The following KCNH5 variants were observed in gnomAD, a reference collection of about 807,000 sequenced individuals.
KCNH5 encodes voltage-gated delayed rectifier potassium channel KCNH5.
A neutral mutation model predicts 96.1 loss-of-function variants in KCNH5; 46 were observed. The observed-to-expected ratio is 0.48, with a 90% confidence interval of 0.38 to 0.61. KCNH5 has a LOEUF of 0.61. Among genes scored for constraint, KCNH5 ranks in the 20% least tolerant of loss-of-function variants. The pLI is 0.00. For missense variants in KCNH5, 907 were observed against 1,225.8 expected (o/e 0.74, Z 3.88); for synonymous variants, 439 against 449.8 (o/e 0.98, Z 0.30).
chr14:62,883,476 A>T (rs548391052), intron 7 of KCNH5, among the ~76,000 whole-genome samples: 57 of 152,222 alleles, frequency 3.7e-4, no homozygotes, highest in Non-Finnish European at 7.2e-4. Context: ...AATTAAGAAG[A>T]TCAAAATTCC....
intron 6 of KCNH5, among the ~76,000 whole-genome samples, chr14:62,960,592 G>A (rs1890188764): frequency 1.3e-5 from 2 of 151,932 alleles, no homozygotes; most frequent in Non-Finnish European, 1.5e-5. Flanking sequence ...ATAAGCATTG[G>A]GCCCTTATTC....
In KCNH5 at chr14:62,943,305, G is replaced by C. The variant is rs952194589; in HGVS notation, c.1369+6828C>G. Among the ~76,000 whole-genome samples the C allele has an allele frequency of 2.6e-5, 4 of 152,096 alleles. No individual in the cohort carries two copies. In the East Asian group the frequency reaches 7.7e-4, roughly 29 times the overall value. ...TGGAAGAGGATTTTTAAAAACATAT[G>C]AAGACAAGAGTATAATCCTATTAGA... On this transcript the variant is annotated intron_variant, in intron 7 of 10. Transcript: ENST00000322893.
intron 7 of KCNH5, among the ~76,000 whole-genome samples, chr14:62,922,293 T>G (rs1402584600): frequency 2.0e-5 from 3 of 152,054 alleles, no homozygotes; most frequent in South Asian, 4.1e-4. Flanking sequence ...TCCATCTACA[T>G]GCACAAAGAT....
intron 10 of KCNH5, among the ~76,000 whole-genome samples, chr14:62,748,582 C>T (rs1885427980): frequency 1.3e-5 from 2 of 152,044 alleles, no homozygotes; most frequent in Admixed American, 1.3e-4. Flanking sequence ...TACAAGAGGA[C>T]CTTAATCCTA....
chr14:62,957,996 T>C (rs1244615280), intron 6 of KCNH5, among the ~76,000 whole-genome samples: 1 of 152,172 alleles, frequency 6.6e-6, no homozygotes, highest in African/African-American at 2.4e-5. Flanking sequence ...CTGATAAAAA[T>C]GTAAGAAAAG....
intron 8 of KCNH5, among the ~76,000 whole-genome samples, chr14:62,804,294 G>A (rs1886722290): frequency 6.6e-6 from 1 of 152,036 alleles, no homozygotes; most frequent in African/African-American, 2.4e-5. Context: ...GCCTAACACA[G>A]CTTTAAAAGT....
chr14:62,794,997 G>A (rs1453438570), intron 9 of KCNH5, among the ~76,000 whole-genome samples: 1 of 152,106 alleles, frequency 6.6e-6, no homozygotes, highest in Non-Finnish European at 1.5e-5. Flanking sequence ...ATCCGTGATG[G>A]AGAACAAGAA....
intron 7 of KCNH5, among the ~76,000 whole-genome samples, chr14:62,855,595 G>C (rs1887911770): frequency 1.3e-5 from 2 of 152,208 alleles, no homozygotes; most frequent in Non-Finnish European, 2.9e-5. Flanking sequence ...TAATAACACA[G>C]AGTGGTTCTC....
intron 7 of KCNH5, among the ~76,000 whole-genome samples, chr14:62,938,014 C>A (rs914818803): frequency 1.1e-4 from 16 of 152,138 alleles, no homozygotes; most frequent in Middle Eastern, 3.2e-3. Context: ...ATTCCCATAC[C>A]GAAGTCTCAT....
chr14:62,953,540 T>A (rs1251129333), intron 6 of KCNH5, among the ~76,000 whole-genome samples: 1 of 152,168 alleles, frequency 6.6e-6, no homozygotes, highest in Non-Finnish European at 1.5e-5. Context: ...AAGGGAACCG[T>A]TTGCTTCTCC....
At chr14:62,893,448 C>T (rs183174807) in intron 7 of KCNH5, among the ~76,000 whole-genome samples, 110 of 152,270 alleles carry the variant, frequency 7.2e-4, no homozygotes, top group African/African-American at 2.5e-3. Flanking sequence ...CAAATGATAA[C>T]ATAAGATTTA....
At chr14:62,970,792 A>C (rs1890392290) in intron 6 of KCNH5, among the ~76,000 whole-genome samples, 1 of 152,104 alleles carries the variant, frequency 6.6e-6, no homozygotes, top group African/African-American at 2.4e-5. Context: ...TAACAACTCC[A>C]ACATCGATTC....
chr14:62,999,897 A>C (rs1174879742), intron 4 of KCNH5, among the ~76,000 whole-genome samples: 1 of 151,862 alleles, frequency 6.6e-6, no homozygotes, highest in Non-Finnish European at 1.5e-5. Context: ...GAAAAAAAAA[A>C]CCCTAAATAT....
chr14:62,730,158 C>T (rs917176927), intron 10 of KCNH5, among the ~76,000 whole-genome samples: 2 of 152,132 alleles, frequency 1.3e-5, no homozygotes, highest in African/African-American at 4.8e-5. Flanking sequence ...TCTTGGCATA[C>T]AAACCAGGTC....
At chr14:62,973,993 T>C (rs1268988624) in intron 6 of KCNH5, among the ~76,000 whole-genome samples, 1 of 152,176 alleles carries the variant, frequency 6.6e-6, no homozygotes, top group East Asian at 1.9e-4. Context: ...AAATAAAAAT[T>C]ATTAACGTAA....
Position 62,805,495 on chromosome 14 carries a change from A to T in KCNH5, c.1570-2914T>A, listed in dbSNP as rs1886748382. Among the ~76,000 whole-genome samples, 2 of 152,184 alleles carry T rather than the reference A, an allele frequency of 1.3e-5. 1 individual carries two copies. The highest frequency in any genetic ancestry group is 4.1e-4 in the South Asian group (2 of 4,832). On this transcript the variant is annotated intron_variant, in intron 8 of 10. Transcript: ENST00000322893. ...GCACCTTCCTTCTCCAACCTTAGACAGAGCATGTGTGTTACATGATGTTTT... is the reference window on the plus strand; with the variant it reads ...GCACCTTCCTTCTCCAACCTTAGACTGAGCATGTGTGTTACATGATGTTTT...
At chr14:63,027,499 G>A (rs1021603477) in intron 1 of KCNH5, among the ~76,000 whole-genome samples, 1 of 148,698 alleles carries the variant, frequency 6.7e-6, no homozygotes, top group Non-Finnish European at 1.5e-5. Context: ...AAAAAACTCT[G>A]AGTTGTTATG....
chr14:62,966,919 GCT>G (rs143526407), intron 6 of KCNH5, among the ~76,000 whole-genome samples: 2,336 of 152,088 alleles, frequency 0.015, 52 homozygotes, highest in African/African-American at 0.054. Flanking sequence ...TTTCTTTCCT[GCT>G]CTGAGTACAC....
intron 1 of KCNH5, among the ~76,000 whole-genome samples, chr14:63,018,852 C>G (rs986987004): frequency 1.5e-4 from 22 of 151,488 alleles, no homozygotes; most frequent in Admixed American, 1.4e-3. Flanking sequence ...AATGGAAAAC[C>G]CTACAATTAC....
Sources: gnomAD v4.1 joint callset for allele counts (sites outside exome capture counted in the v4.1 genomes callset) on GRCh38, gnomAD v4.1.1 for gene constraint, MANE v1.5 for transcripts, NCBI Gene and HGNC (gene_info 2026-07-23, HGNC 2026-07-21) for gene names.